Variants in MCM10 observed in about 807,000 individuals in gnomAD.
The protein encoded by MCM10 is minichromosome maintenance 10 replication initiation factor, also known as protein MCM10 homolog.
MCM10 carries 91 observed loss-of-function variants against 109.9 expected under a neutral mutation model. The observed-to-expected ratio is 0.83, with a 90% CI of 0.70 to 0.99. MCM10 has a LOEUF of 0.99. MCM10 is among the 50% of genes least tolerant of loss of function. The pLI is 0.00. For missense variants in MCM10, 1,077 were observed against 1,061.2 expected, an observed-to-expected ratio of 1.01 and a Z score of -0.21; for synonymous variants, 380 against 387.2, an observed-to-expected ratio of 0.98 and a Z score of 0.22.
chr10:13,204,869 C>T (rs897371545), intron 18 of MCM10, among the ~76,000 whole-genome samples: 1 of 151,970 alleles, frequency 6.6e-6, no homozygotes, highest in African/African-American at 2.4e-5. Flanking sequence ...ATAACATGCA[C>T]ACATCCTTCC....
intron 18 of MCM10, among the ~76,000 whole-genome samples, chr10:13,204,702 A>G (rs1263337279): frequency 1.3e-5 from 2 of 152,024 alleles, no homozygotes; most frequent in Admixed American, 6.6e-5. Context: ...CTCTCTCCAA[A>G]GAGTTATTTG....
chr10:13,187,671 A>G (rs1028543693), intron 9 of MCM10, among the ~76,000 whole-genome samples: 1 of 152,156 alleles, frequency 6.6e-6, no homozygotes, highest in Admixed American at 6.5e-5. Flanking sequence ...GTGAAGAGGT[A>G]CTTCTTAGAG....
intron 1 of MCM10, among the ~76,000 whole-genome samples, chr10:13,162,866 TC>T: frequency 6.6e-6 from 1 of 152,168 alleles, no homozygotes; most frequent in African/African-American, 2.4e-5. Context: ...GATCACCAGG[TC>T]AGGAGATCGA....
At position 13,191,320 on chromosome 10, in the gene MCM10, G is replaced by A. The variant is rs979347003; in HGVS notation, c.1437G>A (p.Lys479=). 4 of 1,613,704 alleles carry A rather than the reference G, an allele frequency of 2.5e-6. No homozygotes were observed. The African/African-American group carries it at 5.3e-5, about 22-fold the overall frequency. ...TCAGTGCAGCAGCTGTGGCTCCTAA[G>A]AAGAAGATTCAAACCACTCTGAGTA... ...AASIAAAVAP[K]KKIQTTLSNL... is the part of the protein sequence containing the mutation. Residue 479 remains lysine, a synonymous_variant, in exon 11 of 20, where the codon AAG becomes AAA. Transcript: ENST00000378714.
chr10:13,171,687 C>T (rs968226480), intron 3 of MCM10, among the ~76,000 whole-genome samples: 1 of 152,092 alleles, frequency 6.6e-6, no homozygotes, highest in African/African-American at 2.4e-5. Context: ...TAGTAAAATT[C>T]AATGGTTAGC....
Position 13,172,397 on chromosome 10 carries a change from A to C in MCM10, c.371A>C (p.Glu124Ala). Residue 124 changes from glutamate to alanine, a missense_variant, in exon 4 of 20, where the codon GAG (glutamate) becomes GCG (alanine). Transcript: ENST00000378714. This position sits in a 1 kb window ranked among gnomAD's most constrained non-coding sequence, Gnocchi z 5.2. ...CTAGAGGAATTAAGGAATTTGCAAG[A>C]GCAAATGAAGGCCTTACAAGAGCAG... ...ELQEELRNLQ[E>A]QMKALQEQLK... 1 of 1,612,812 alleles carries C rather than the reference A, an allele frequency of 6.2e-7. No homozygotes were observed. The highest frequency in any genetic ancestry group is 8.5e-7 in the Non-Finnish European group (1 of 1,179,072).
At chr10:13,165,210 T>G (rs1025654929) in intron 2 of MCM10, among the ~76,000 whole-genome samples, 8 of 152,104 alleles carry the variant, frequency 5.3e-5, no homozygotes, top group African/African-American at 1.9e-4. Flanking sequence ...TGAACAACAA[T>G]AATAAAATGG....
At chr10:13,207,114 T>G (rs1362957955) in intron 18 of MCM10, among the ~76,000 whole-genome samples, 1 of 152,148 alleles carries the variant, frequency 6.6e-6, no homozygotes, top group African/African-American at 2.4e-5. Flanking sequence ...TAGTTCTTGA[T>G]CTAGAACAGA....
intron 18 of MCM10, among the ~76,000 whole-genome samples, chr10:13,205,867 G>A (rs1447497823): frequency 6.6e-6 from 1 of 152,174 alleles, no homozygotes; most frequent in African/African-American, 2.4e-5. Context: ...GGCAACATCA[G>A]ATACGGAGGC....
rs1834543267 is a variant in MCM10 at position 13,204,469 on chromosome 10, C to T, written c.2498+105C>T. The T allele has an allele frequency of 1.8e-5, 24 of 1,370,828 alleles. 2 individuals carry two copies. The South Asian group carries it at 3.1e-4, about 18-fold the overall frequency. The allele number at this position is 1,370,828 out of a possible 1,614,324, so 84.9% of individuals were successfully genotyped here. On this transcript the variant is annotated intron_variant, in intron 18 of 19. Transcript: ENST00000378714. ...GGAACGTTGGATGATCATTCCATGCCTTCCTATAGCTCCAGGCTACCCTTG... is the reference window on the plus strand; with the variant it reads ...GGAACGTTGGATGATCATTCCATGCTTTCCTATAGCTCCAGGCTACCCTTG...
intron 17 of MCM10, among the ~76,000 whole-genome samples, chr10:13,203,516 C>T (rs1471928292): frequency 2.6e-5 from 4 of 152,110 alleles, no homozygotes; most frequent in African/African-American, 4.8e-5. Context: ...AGGGTGTGCA[C>T]GTTTTTTAGA....
Position 13,174,988 on chromosome 10 carries a change from C to T in MCM10, c.593-522C>T, listed in dbSNP as rs1466207362. Among the ~76,000 whole-genome samples, 6 of 151,902 alleles carry T rather than the reference C, an allele frequency of 3.9e-5. No individual in the cohort carries two copies. In the East Asian group the frequency reaches 9.6e-4, roughly 24 times the overall value. The stretch of plus-strand genomic sequence containing the variant: ...TACTAAAAATACAAAATTAGCCGGA[C>T]GTGGTGGCGCATGCCTGTAATCCCA... On this transcript the variant is annotated intron_variant, in intron 5 of 19. Coordinates refer to ENST00000378714, the MANE Select transcript of MCM10 (RefSeq NM_018518.5).
At chr10:13,167,691 G>A (rs1012633924) in intron 2 of MCM10, among the ~76,000 whole-genome samples, 1 of 152,140 alleles carries the variant, frequency 6.6e-6, no homozygotes, top group South Asian at 2.1e-4. Flanking sequence ...GCTGTGATCT[G>A]GAAAAAGACT....
chr10:13,190,070 C>T (rs909237462), intron 10 of MCM10, among the ~76,000 whole-genome samples: 13 of 152,302 alleles, frequency 8.5e-5, no homozygotes, highest in Admixed American at 2.0e-4. Context: ...GCATGTGGCC[C>T]GCAGGCTATG....
At chr10:13,185,111 C>T (rs376576808) in intron 8 of MCM10, among the ~76,000 whole-genome samples, 4 of 152,174 alleles carry the variant, frequency 2.6e-5, no homozygotes, top group African/African-American at 9.7e-5. Flanking sequence ...TCCACAGAAG[C>T]CTAGGATCTG....
chr10:13,208,566 C>CAAAA (rs55683228), intron 18 of MCM10, among the ~76,000 whole-genome samples: 1,686 of 114,070 alleles, frequency 0.015, 46 homozygotes, highest in Non-Finnish European at 0.018. Flanking sequence ...CCCATCTCTC[C>CAAAA]AAAAAAAAAA....
At chr10:13,171,325 G>A in intron 3 of MCM10, 62 bp downstream of exon 3, 2 of 1,390,156 alleles carry the variant, frequency 1.4e-6, no homozygotes, top group South Asian at 2.9e-5. Flanking sequence ...CCACCAATCT[G>A]ATAGTTGTCA....
intron 1 of MCM10, among the ~76,000 whole-genome samples, 179 bp from the exon 2 acceptor site, chr10:13,163,949 A>C (rs1588463064): frequency 6.6e-6 from 1 of 152,334 alleles, no homozygotes; most frequent in East Asian, 1.9e-4. Context: ...GTGAGCTGCT[A>C]CATCCAAGGA....
In MCM10 at chr10:13,209,234, C is replaced by A; in HGVS notation, c.2549C>A (p.Thr850Asn). The change falls in exon 20 of 20, where the codon ACT becomes AAT. Residue 850 changes from threonine to asparagine, a missense_variant. Thr to Asn is a moderately conservative substitution (Grantham distance 65). Transcript: ENST00000378714. The stretch of plus-strand genomic sequence containing the variant: ...ATATTTTCATTTTTCTAGGAAAAGA[C>A]TGGTCCAAAGATAGGAGGAGAAACT... ...WERDGMLKEK[T>N]GPKIGGETLL... 1.2e-6 allele frequency: 2 copies of A among 1,613,414 alleles called. No individual in the cohort carries two copies. The highest frequency in any genetic ancestry group is 2.2e-5 in the South Asian group (2 of 91,066).
Sources: gnomAD v4.1 joint callset for allele counts (sites outside exome capture counted in the v4.1 genomes callset) on GRCh38, gnomAD v4.1.1 for gene constraint, Gnocchi (gnomAD v3.1) non-coding constraint, MANE v1.5 for transcripts, NCBI Gene and HGNC (gene_info 2026-07-23, HGNC 2026-07-21) for gene names.